ASTN2: variants seen among roughly 807,000 people sequenced by gnomAD.
ASTN2 encodes astrotactin 2.
A neutral mutation model predicts 139.8 loss-of-function variants in ASTN2; 54 were observed. The ratio of observed to expected loss-of-function variants is 0.39; its 90% CI spans 0.31 to 0.48. ASTN2 has a LOEUF of 0.48. ASTN2 is among the 20% of genes least tolerant of loss of function. The pLI, the probability that ASTN2 is intolerant of heterozygous loss-of-function variation, is 0.95. For synonymous variants in ASTN2, 756 were observed against 719.5 expected (o/e 1.05, Z -0.81); for missense variants, 1,565 against 1,725.1 (o/e 0.91, Z 1.64).
chr9:117,207,166 C>A (rs892892128), intron 3 of ASTN2, among the ~76,000 whole-genome samples: 2 of 152,194 alleles, frequency 1.3e-5, no homozygotes, highest in African/African-American at 4.8e-5. Context: ...AGCCAAGCAG[C>A]CTTGTACTTA....
chr9:116,803,406 G>C (rs2132241814), intron 13 of ASTN2, among the ~76,000 whole-genome samples: 1 of 143,760 alleles, frequency 7.0e-6, no homozygotes, highest in South Asian at 2.2e-4. Context: ...ACCTTGAATG[G>C]CCAGGCTCAA....
At chr9:116,836,205 C>T (rs1831986119) in intron 11 of ASTN2, among the ~76,000 whole-genome samples, 2 of 152,094 alleles carry the variant, frequency 1.3e-5, no homozygotes, top group South Asian at 4.1e-4. Flanking sequence ...CCACTAACAC[C>T]ACACTGAGTG....
At chr9:117,295,805 A>G (rs1350201526) in intron 1 of ASTN2, among the ~76,000 whole-genome samples, 1 of 152,000 alleles carries the variant, frequency 6.6e-6, no homozygotes, top group African/African-American at 2.4e-5. Context: ...CAAAGTGGGA[A>G]AAGACTCTCC....
chr9:116,608,275 A>G (rs1372513592), intron 19 of ASTN2, among the ~76,000 whole-genome samples: 1 of 152,208 alleles, frequency 6.6e-6, no homozygotes, highest in Admixed American at 6.5e-5. Flanking sequence ...TCATCAGAGT[A>G]CTGATTGATG....
chr9:116,795,780 G>A (rs1255284936), intron 13 of ASTN2, among the ~76,000 whole-genome samples: 2 of 148,808 alleles, frequency 1.3e-5, no homozygotes, highest in Admixed American at 6.6e-5. Flanking sequence ...GAAAGGAATG[G>A]TTATTGGGAT....
chr9:116,629,211 G>A (rs1250893240), intron 17 of ASTN2, among the ~76,000 whole-genome samples: 4 of 148,558 alleles, frequency 2.7e-5, no homozygotes, highest in Non-Finnish European at 3.0e-5. Context: ...TCCACCTCCC[G>A]GGTTCACGCC....
At chr9:117,100,080 T>C (rs1005909338) in intron 4 of ASTN2, among the ~76,000 whole-genome samples, 8 of 152,244 alleles carry the variant, frequency 5.3e-5, no homozygotes, top group Non-Finnish European at 1.2e-4. Flanking sequence ...AGCAGTTCTC[T>C]TAATTGACTC....
At chr9:117,090,611 A>G (rs571667332) in intron 5 of ASTN2, among the ~76,000 whole-genome samples, 1 of 152,360 alleles carries the variant, frequency 6.6e-6, no homozygotes, top group South Asian at 2.1e-4. Flanking sequence ...ATATTAGAAG[A>G]CAGAACAAAT....
intron 2 of ASTN2, among the ~76,000 whole-genome samples, chr9:117,249,642 C>G (rs1210905521): frequency 1.3e-5 from 2 of 151,850 alleles, no homozygotes; most frequent in Admixed American, 6.6e-5. Flanking sequence ...GAGGCACCCC[C>G]ACAGATCCCT....
At chr9:116,625,112 C>A (rs1038618854) in intron 17 of ASTN2, among the ~76,000 whole-genome samples, 5 of 152,142 alleles carry the variant, frequency 3.3e-5, no homozygotes, top group Admixed American at 1.3e-4. Context: ...TGGTGGTCAA[C>A]CCTCTACCTT....
At chr9:116,437,173 T>C (rs1160645524) in intron 22 of ASTN2, 6 of 365,442 alleles carry the variant, frequency 1.6e-5, no homozygotes. Flanking sequence ...ATTGTGCACA[T>C]GTACCCTAAA....
intron 1 of ASTN2, among the ~76,000 whole-genome samples, chr9:117,328,927 AG>A (rs1174135346): frequency 6.6e-6 from 1 of 152,234 alleles, no homozygotes; most frequent in Non-Finnish European, 1.5e-5. Flanking sequence ...TTAAAGGGAA[AG>A]GAAGATGAAT....
intron 13 of ASTN2, among the ~76,000 whole-genome samples, chr9:116,737,606 C>A (rs1233338079): frequency 3.7e-5 from 2 of 54,744 alleles, no homozygotes; most frequent in African/African-American, 1.2e-4. Flanking sequence ...AGCTCATGTG[C>A]CAACGTGTGT....
At chr9:117,271,097 C>T (rs1834053254) in intron 2 of ASTN2, among the ~76,000 whole-genome samples, 1 of 152,108 alleles carries the variant, frequency 6.6e-6, no homozygotes, top group African/African-American at 2.4e-5. Context: ...TGTATCAGTC[C>T]ATTTTTATGC....
intron 11 of ASTN2, among the ~76,000 whole-genome samples, chr9:116,832,924 G>T (rs1831860623): frequency 8.0e-6 from 1 of 124,782 alleles, no homozygotes; most frequent in Admixed American, 8.3e-5. Context: ...TTTTCTGGAA[G>T]ATTTTTTTTG....
At chr9:116,437,307 C>T (rs547291889) in intron 22 of ASTN2, 7 of 471,274 alleles carry the variant, frequency 1.5e-5, no homozygotes, top group South Asian at 1.1e-4. Context: ...AGCTTATTAG[C>T]AGCACCAGGA....
At chr9:116,972,502 C>A (rs1836239391) in intron 10 of ASTN2, among the ~76,000 whole-genome samples, 1 of 151,950 alleles carries the variant, frequency 6.6e-6, no homozygotes, top group African/African-American at 2.4e-5. Context: ...TTATACATAT[C>A]CTTATGGGTG....
At chr9:117,337,118 T>C (rs1828912329) in intron 1 of ASTN2, among the ~76,000 whole-genome samples, 1 of 152,176 alleles carries the variant, frequency 6.6e-6, no homozygotes, top group African/African-American at 2.4e-5. Context: ...TGTATGCAAA[T>C]CACACCTTAG....
chr9:117,353,625 TG>T, intron 1 of ASTN2, among the ~76,000 whole-genome samples: 1 of 152,228 alleles, frequency 6.6e-6, no homozygotes, highest in Non-Finnish European at 1.5e-5. Context: ...GTGGCCCCAA[TG>T]TTCCAACAAT....
Sources: allele counts gnomAD v4.1 joint callset (sites outside exome capture counted in the v4.1 genomes callset), GRCh38; gene constraint gnomAD v4.1.1; transcripts MANE v1.5; gene names NCBI Gene and HGNC (gene_info 2026-07-23, HGNC 2026-07-21).